Variants in RAPGEF3 observed in about 807,000 individuals in gnomAD.
RAPGEF3 encodes the protein 9330170P05Rik.
A neutral mutation model predicts 129.8 loss-of-function variants in RAPGEF3; 103 were observed. That is an observed-to-expected ratio of 0.79 (90% CI 0.68 to 0.93). RAPGEF3 has a LOEUF of 0.93. RAPGEF3 is among the 40% of genes least tolerant of loss of function. The pLI is 0.00. For synonymous variants in RAPGEF3, 436 were observed against 482.6 expected, an observed-to-expected ratio of 0.90 and a Z score of 1.26; for missense variants, 1,117 against 1,207.4, an observed-to-expected ratio of 0.93 and a Z score of 1.11.
chr12:47,744,838 C>G (rs1941340853), intron 16 of RAPGEF3: 1 of 152,422 alleles, frequency 6.6e-6, no homozygotes, highest in African/African-American at 2.4e-5. Context: ...ATCTCAGGGA[C>G]CCCTGCAGAG....
rs1465460693 is a variant in RAPGEF3, at chr12:47,743,520, C to T, written c.1825+10G>A. 6.2e-7 allele frequency: 1 copy of T among 1,611,902 alleles called. No homozygotes were observed. Among genetic ancestry groups the T allele is most frequent in the Non-Finnish European group, 8.5e-7 (1 of 1,178,400 alleles). On this transcript the variant is annotated intron_variant, in intron 18 of 27. Transcript: ENST00000449771. ...CCCTCCCTTGGGGTCTATCCAGGGG[C>T]ACAACTCACCACCTGCAGAATTGAC...
Position 47,741,060 on chromosome 12 carries a change from C to T in RAPGEF3, c.1924-20G>A. 6.2e-7 allele frequency: 1 copy of T among 1,610,178 alleles called. No individual in the cohort carries two copies. Among genetic ancestry groups the T allele is most frequent in the South Asian group, 1.1e-5 (1 of 90,526 alleles). ...TGGGATCTGCGGGTGGGAGAGTGCT[C>T]AGGGGGCTGCCTGAGGAATCCAGGG... On this transcript the variant is annotated intron_variant, in intron 19 of 27. Transcript: ENST00000449771.
chr12:47,739,333 A>G, intron 23 of RAPGEF3, 103 bp from the exon 24 acceptor site: 1 of 901,862 alleles, frequency 1.1e-6, no homozygotes, highest in Non-Finnish European at 1.8e-6. Context: ...GCAGGTGCAG[A>G]GGCCCCAACT....
chr12:47,748,583 C>A (rs1316725020), intron 11 of RAPGEF3, 41 bp from the exon 12 acceptor site: 11 of 1,489,534 alleles, frequency 7.4e-6, no homozygotes, highest in Non-Finnish European at 1.0e-5. Flanking sequence ...TGCCACTACT[C>A]CCCACTCCCA....
intron 15 of RAPGEF3, 152 bp downstream of exon 15, chr12:47,747,392 G>A (rs1941482355): frequency 1.4e-6 from 1 of 715,786 alleles, no homozygotes; most frequent in East Asian, 2.7e-5. Flanking sequence ...TGGTGTGAGG[G>A]TGAACAGCAA....
At position 47,747,802 on chromosome 12, in the gene RAPGEF3, C is replaced by T. The variant is rs1259845227; in HGVS notation, c.1383G>A (p.Lys461=). 5.6e-6 allele frequency: 9 copies of T among 1,607,520 alleles called. No individual in the cohort carries two copies. Among genetic ancestry groups the T allele is most frequent in the Non-Finnish European group, 7.6e-6 (9 of 1,179,984 alleles). The change falls in exon 14 of 28, where the codon AAG becomes AAA. Residue 461 remains lysine, a synonymous_variant. Transcript: ENST00000449771. ...EQERSTYVCN[K]RQQILRLVSQ... ...TGACCAGCCGCAAGATCTGCTGCCT[C>T]TTGTTGCAGACGTAGGTGCTGCGCT...
chr12:47,758,091 G>T lies in RAPGEF3; in HGVS notation c.7-13C>A. The stretch of plus-strand genomic sequence containing the variant: ...CTGGCCAGCCCACCTGTGACACGGG[G>T]AGGAAAGTGGACAGCCATGGGACAC... On this transcript the variant is annotated splice_polypyrimidine_tract_variant and intron_variant, in intron 1 of 27. Coordinates refer to ENST00000449771, the MANE Select transcript of RAPGEF3 (RefSeq NM_001098531.4). 1 of 1,554,204 alleles carries T rather than the reference G, an allele frequency of 6.4e-7. No homozygotes were observed. Among genetic ancestry groups the T allele is most frequent in the Non-Finnish European group, 8.7e-7 (1 of 1,149,378 alleles).
chr12:47,740,577 G>A (rs10875688), intron 21 of RAPGEF3, 65 bp downstream of exon 21: 3 of 1,570,486 alleles, frequency 1.9e-6, no homozygotes, highest in Admixed American at 1.7e-5. Flanking sequence ...AAGCAAAGAG[G>A]GGGGCTTAGG....
At position 47,758,553 on chromosome 12, in the gene RAPGEF3, T is replaced by C; in HGVS notation, c.4A>G (p.Lys2Glu). The change falls in exon 1 of 28, where the codon AAG (lysine) becomes GAG (glutamate). Residue 2 changes from lysine (K) to glutamate (E), a missense_variant and splice_region_variant. By Grantham distance (56) the Lys-to-Glu change is moderately conservative. Coordinates refer to ENST00000449771, the MANE Select transcript of RAPGEF3 (RefSeq NM_001098531.4). M[K>E]VGWPGESCWQ... ...AACCCTGACCCCACCTTACCCACCT[T>C]CATGTTTCTTTTCAAGCTCGCACAG... 6.2e-7 allele frequency: 1 copy of C among 1,613,240 alleles called. No individual in the cohort carries two copies. Among genetic ancestry groups the C allele is most frequent in the Non-Finnish European group, 8.5e-7 (1 of 1,179,542 alleles).
intron 21 of RAPGEF3, 43 bp downstream of exon 21, chr12:47,740,598 CG>C (rs35703007): frequency 0.55 from 877,665 of 1,598,128 alleles, 243,568 homozygotes; most frequent in Middle Eastern, 0.66. Flanking sequence ...AAAAGGTAGC[CG>C]GGGGGACTCT....
In RAPGEF3 at chr12:47,746,867, T is replaced by C. The variant is rs757672971; in HGVS notation, c.1589A>G (p.Gln530Arg). Reference sequence around the variant, plus strand: ...CTGGGGCCAGGCAGACACCTTCATCTGAGGAGATGCATTCCCACAGCCATT... The same window carrying C: ...CTGGGGCCAGGCAGACACCTTCATCCGAGGAGATGCATTCCCACAGCCATT... Reference protein sequence around the residue: ...LENGCGNASPQMKARNLPVWL... With the variant: ...LENGCGNASPRMKARNLPVWL... The change falls in exon 16 of 28, where the codon CAG (glutamine) becomes CGG (arginine). Residue 530 changes from glutamine (Q) to arginine (R), a missense_variant. Gln to Arg is a conservative substitution (Grantham distance 43). Coordinates refer to ENST00000449771, the MANE Select transcript of RAPGEF3 (RefSeq NM_001098531.4). The C allele has an allele frequency of 1.9e-6, 3 of 1,596,784 alleles. No homozygotes were observed. Among genetic ancestry groups the C allele is most frequent in the Admixed American group, 3.7e-5 (2 of 54,498 alleles).
Position 47,751,032 on chromosome 12 carries a change from A to G in RAPGEF3, c.671+16T>C. ...TGTGAGGCCTGGGGTCACGGGGTGC[A>G]GGGATTCTGACTCACGGCTTTCGAA... is the stretch of plus-strand genomic sequence containing the variant. On this transcript the variant is annotated intron_variant, in intron 6 of 27. Transcript: ENST00000449771. 6.3e-7 allele frequency: 1 copy of G among 1,594,192 alleles called. No individual in the cohort carries two copies. The highest frequency in any genetic ancestry group is 1.3e-5 in the African/African-American group (1 of 74,886).
rs536450938 is a variant in RAPGEF3 at position 47,738,773 on chromosome 12, T to C, written c.2462-19A>G. ...GTCATGTCTGCAAAGAGATGGGTTT[T>C]GTTCATAGGTCCCCAAACTTCTGCC... On this transcript the variant is annotated intron_variant, in intron 24 of 27. Coordinates refer to ENST00000449771, the MANE Select transcript of RAPGEF3 (RefSeq NM_001098531.4). 1.3e-6 allele frequency: 2 copies of C among 1,592,880 alleles called. No homozygotes were observed. The highest frequency in any genetic ancestry group is 4.5e-5 in the East Asian group (2 of 44,772).
chr12:47,740,849 A>G (rs1457952158), intron 20 of RAPGEF3, 26 bp from the exon 21 acceptor site: 11 of 1,613,606 alleles, frequency 6.8e-6, no homozygotes, highest in Non-Finnish European at 9.3e-6. Flanking sequence ...AGGAGAGGTC[A>G]GCGAGTGCTG....
rs1941644366 is a variant in RAPGEF3 at position 47,749,882 on chromosome 12, C to T, written c.817+48G>A. The T allele has an allele frequency of 6.2e-7, 1 of 1,613,676 alleles. No homozygotes were observed. The highest frequency in any genetic ancestry group is 1.3e-5 in the African/African-American group (1 of 74,942). The stretch of plus-strand genomic sequence containing the variant: ...TACCATTCCTTCACACATCCTTCTG[C>T]CCATGTCCAGGCCCTGTGCCTGGCT... On this transcript the variant is annotated intron_variant, in intron 8 of 27. Transcript: ENST00000449771. This position sits in a 1 kb window ranked among gnomAD's most constrained non-coding sequence, Gnocchi z 4.5.
chr12:47,758,732 C>A lies in RAPGEF3; in HGVS notation c.-176G>T, dbSNP rs542271485. The A allele has an allele frequency of 6.9e-5, 79 of 1,146,978 alleles. 1 individual carries two copies. In the South Asian group the frequency reaches 1.6e-3, roughly 23 times the overall value. The allele number at this position is 1,146,978 out of a possible 1,614,324, so 71.1% of individuals were successfully genotyped here. ...TGCCAGGGCAGCAGGATGCAGGGCT[C>A]GGTGGAGAGGCTCCTCTTGGGTGAG... On this transcript the variant is annotated 5_prime_UTR_variant, in exon 1 of 28. Transcript: ENST00000449771.
At chr12:47,757,681 C>A (rs753471731) in intron 2 of RAPGEF3, among the ~76,000 whole-genome samples, 185 bp downstream of exon 2, 1 of 152,168 alleles carries the variant, frequency 6.6e-6, no homozygotes, top group Non-Finnish European at 1.5e-5. Flanking sequence ...GACACACACA[C>A]GTTGCAGCTG....
intron 25 of RAPGEF3, 96 bp from the exon 26 acceptor site, chr12:47,738,343 G>A (rs1445421425): frequency 1.3e-6 from 2 of 1,493,820 alleles, no homozygotes; most frequent in East Asian, 2.4e-5. Context: ...CTGAACCAAG[G>A]ATCAGGGACT....
In RAPGEF3 at chr12:47,751,523, A is replaced by G. The variant is rs201666065; in HGVS notation, c.381-3T>C. On this transcript the variant is annotated splice_polypyrimidine_tract_variant and splice_region_variant and intron_variant, in intron 4 of 27. Transcript: ENST00000449771. ...GCTCCCGGCCAGAGCAGCACTGCCT[A>G]TGGAAGGTAGAAGGGGACAGGCCAG... 6.4e-4 allele frequency: 1,040 copies of G among 1,614,060 alleles called. 2 individuals carry two copies. The highest frequency in any genetic ancestry group is 7.9e-4 in the Non-Finnish European group (927 of 1,180,018).
Sources: gnomAD v4.1 joint callset for allele counts (sites outside exome capture counted in the v4.1 genomes callset) on GRCh38, gnomAD v4.1.1 for gene constraint, Gnocchi (gnomAD v3.1) non-coding constraint, MANE v1.5 for transcripts, NCBI Gene and HGNC (gene_info 2026-07-23, HGNC 2026-07-21) for gene names.